AGAP1: variants seen among roughly 807,000 people sequenced by gnomAD.
The protein encoded by AGAP1 is arf-GAP with GTPase, ANK repeat and PH domain-containing protein 1.
A neutral mutation model predicts 105.3 loss-of-function variants in AGAP1; 29 were observed. The observed-to-expected ratio is 0.28, with a 90% CI of 0.21 to 0.38. The LOEUF (loss-of-function observed/expected upper bound fraction) is 0.38, where lower values mean the gene tolerates loss of function less well. Among genes scored for constraint, AGAP1 ranks in the 10% least tolerant of loss-of-function variants. The pLI, the probability that AGAP1 is intolerant of heterozygous loss-of-function variation, is 1.00. For missense variants in AGAP1, 998 were observed against 1,165.1 expected (o/e 0.86, Z 2.09); for synonymous variants, 509 against 485.9 (o/e 1.05, Z -0.63).
chr2:235,707,000 C>G (rs899667775), intron 1 of AGAP1, among the ~76,000 whole-genome samples: 4 of 152,242 alleles, frequency 2.6e-5, no homozygotes, highest in Non-Finnish European at 5.9e-5. Context: ...GTCAGGCCCA[C>G]GCTAGTGCGT....
At position 235,655,070 on chromosome 2, in the gene AGAP1, TC is replaced by T. The variant is rs1489756193; in HGVS notation, c.164-54108del. Among the ~76,000 whole-genome samples, 2 of 145,422 alleles carry T rather than the reference TC, an allele frequency of 1.4e-5. No homozygotes were observed. Among genetic ancestry groups the T allele is most frequent in the Non-Finnish European group, 3.0e-5 (2 of 65,932 alleles). ...TTAATTACTATATCCAGAATGATCC[TC>T]TTTTTTTTTTTTTTGAGTTGTGTGT... On this transcript the variant is annotated intron_variant, in intron 1 of 17. Coordinates refer to ENST00000304032, the MANE Select transcript of AGAP1 (RefSeq NM_001037131.3). This position sits in a 1 kb window ranked among gnomAD's most constrained non-coding sequence, Gnocchi z 4.3.
chr2:235,807,213 A>T, intron 8 of AGAP1, 26 bp from the exon 9 acceptor site: 1 of 1,607,290 alleles, frequency 6.2e-7, no homozygotes, highest in Non-Finnish European at 8.5e-7. Flanking sequence ...CCTTACCCAG[A>T]TGCCAACTTT....
intron 1 of AGAP1, among the ~76,000 whole-genome samples, chr2:235,687,289 A>C (rs545553876): frequency 6.6e-6 from 1 of 152,270 alleles, no homozygotes; most frequent in African/African-American, 2.4e-5. Context: ...TTTGAAGTCT[A>C]AAGTAGATAT....
intron 16 of AGAP1, among the ~76,000 whole-genome samples, chr2:236,094,866 C>G (rs1262671425): frequency 1.5e-5 from 2 of 136,108 alleles, no homozygotes; most frequent in Non-Finnish European, 3.0e-5. Context: ...AGGTGGATCA[C>G]TTGAGTCCAG....
intron 1 of AGAP1, among the ~76,000 whole-genome samples, chr2:235,510,227 C>T (rs1942015266): frequency 6.6e-6 from 1 of 152,192 alleles, no homozygotes; most frequent in African/African-American, 2.4e-5. Flanking sequence ...ATCCCCCTGC[C>T]TCCCTTCAGT....
intron 3 of AGAP1, among the ~76,000 whole-genome samples, chr2:235,738,295 CCAAGCAGGGTTCTAAGAGCTTTT>C (rs1016221230): frequency 8.5e-5 from 13 of 152,058 alleles, no homozygotes; most frequent in African/African-American, 2.7e-4. Context: ...CTCCTCTGTC[CCAAGCAGGGTTCTAAGAGCTTTT>C]CATGCATTAA....
At position 235,705,089 on chromosome 2, in the gene AGAP1, C is replaced by T. The variant is rs1467741795; in HGVS notation, c.164-4090C>T. ...TACCTCCCGGGTTCAAGCACTTCTC[C>T]TGCCTCAGCCTCCCGAGCAGCTGGG... On this transcript the variant is annotated intron_variant, in intron 1 of 17. Transcript: ENST00000304032. The surrounding 1 kb of genome is among the most constrained non-coding windows in gnomAD (Gnocchi z 4.9). Among the ~76,000 whole-genome samples the T allele has an allele frequency of 1.3e-5, 2 of 149,200 alleles. No individual in the cohort carries two copies. Among genetic ancestry groups the T allele is most frequent in the Admixed American group, 1.4e-4 (2 of 14,748 alleles).
At chr2:235,745,835 A>G (rs1444108190) in intron 5 of AGAP1, among the ~76,000 whole-genome samples, 1 of 152,232 alleles carries the variant, frequency 6.6e-6, no homozygotes, top group Non-Finnish European at 1.5e-5. Context: ...CATAAACCAC[A>G]AACATTTTCC....
intron 13 of AGAP1, among the ~76,000 whole-genome samples, chr2:236,024,807 T>C (rs908631035): frequency 1.3e-5 from 2 of 152,264 alleles, no homozygotes; most frequent in African/African-American, 4.8e-5. Context: ...TCCGGTGTTA[T>C]TAATGTCGTT....
At chr2:235,706,461 C>T (rs1242045791) in intron 1 of AGAP1, among the ~76,000 whole-genome samples, 5 of 152,172 alleles carry the variant, frequency 3.3e-5, no homozygotes, top group Non-Finnish European at 7.4e-5. Context: ...ATCTCCTGAC[C>T]TCGTGATCCG....
rs1467571368 is a variant in AGAP1 at position 235,724,783 on chromosome 2, C to T, written c.310+7139C>T. On this transcript the variant is annotated intron_variant, in intron 3 of 17. Coordinates refer to ENST00000304032, the MANE Select transcript of AGAP1 (RefSeq NM_001037131.3). This position sits in a 1 kb window ranked among gnomAD's most constrained non-coding sequence, Gnocchi z 4.9. ...CGACAGTTCCCTAACTCAGGAAAGT[C>T]GAGTTTCTGAGCATAAGTCATAGGA... 6.8e-6 allele frequency among the ~76,000 whole-genome samples: 1 copy of T among 147,714 alleles called. No individual in the cohort carries two copies. The highest frequency in any genetic ancestry group is 1.9e-4 in the East Asian group (1 of 5,190).
At chr2:236,021,145 G>A (rs1352649461) in intron 13 of AGAP1, among the ~76,000 whole-genome samples, 2 of 140,430 alleles carry the variant, frequency 1.4e-5, no homozygotes, top group African/African-American at 2.7e-5. Flanking sequence ...CAACCTGGGC[G>A]ACAGAGCAAG....
rs1285720085 is a variant in AGAP1, at chr2:235,631,377, G to A, written c.164-77802G>A. 6.6e-6 allele frequency among the ~76,000 whole-genome samples: 1 copy of A among 152,188 alleles called. No homozygotes were observed. ...CCAACCATGACCGGCCAGGCTGTGC[G>A]AGCTAGCCAAGGAGAGGCCACGAGG... On this transcript the variant is annotated intron_variant, in intron 1 of 17. Coordinates refer to ENST00000304032, the MANE Select transcript of AGAP1 (RefSeq NM_001037131.3). The surrounding 1 kb of genome is among the most constrained non-coding windows in gnomAD (Gnocchi z 5.4).
chr2:235,688,441 C>T (rs1480467556), intron 1 of AGAP1, among the ~76,000 whole-genome samples: 1 of 152,176 alleles, frequency 6.6e-6, no homozygotes, highest in Admixed American at 6.5e-5. Flanking sequence ...TCACTCACCT[C>T]TCACATTTCC....
chr2:235,562,781 G>A (rs991051866), intron 1 of AGAP1, among the ~76,000 whole-genome samples: 6 of 152,200 alleles, frequency 3.9e-5, no homozygotes, highest in African/African-American at 1.2e-4. Flanking sequence ...ATGCTGGCTG[G>A]TGTCGCGGCT....
chr2:235,943,227 C>T (rs551405974), intron 12 of AGAP1, among the ~76,000 whole-genome samples: 3 of 152,158 alleles, frequency 2.0e-5, no homozygotes, highest in Admixed American at 6.5e-5. Context: ...GGTTAAGAAC[C>T]GTCAATCATA....
In AGAP1 at chr2:235,883,493, A is replaced by G. The variant is rs765292531; in HGVS notation, c.1155+44A>G. ...GAGCAATTAACAGCTGCAGACCTCA[A>G]CTAAACACTGTGGGGAAGGGGAACC... On this transcript the variant is annotated intron_variant, in intron 10 of 17. Transcript: ENST00000304032. The surrounding 1 kb of genome is among the most constrained non-coding windows in gnomAD (Gnocchi z 4.5). The G allele has an allele frequency of 6.6e-7, 1 of 1,513,238 alleles. No homozygotes were observed. The highest frequency in any genetic ancestry group is 1.4e-5 in the African/African-American group (1 of 72,664). 93.7% of individuals were successfully genotyped at this position (1,513,238 alleles called of 1,614,324 possible).
At position 235,879,487 on chromosome 2, in the gene AGAP1, A is replaced by G. The variant is rs2106606989; in HGVS notation, c.1051-3858A>G. Among the ~76,000 whole-genome samples, 1 of 152,352 alleles carries G rather than the reference A, an allele frequency of 6.6e-6. No individual in the cohort carries two copies. Among genetic ancestry groups the G allele is most frequent in the Non-Finnish European group, 1.5e-5 (1 of 68,032 alleles). On this transcript the variant is annotated intron_variant, in intron 9 of 17. Coordinates refer to ENST00000304032, the MANE Select transcript of AGAP1 (RefSeq NM_001037131.3). This position sits in a 1 kb window ranked among gnomAD's most constrained non-coding sequence, Gnocchi z 5.0. Reference sequence around the variant, plus strand: ...GCATTTGAATAGTGCCTATAATCCAAGATTATCCCCCCTGGCAAGACGTAG... The same window carrying G: ...GCATTTGAATAGTGCCTATAATCCAGGATTATCCCCCCTGGCAAGACGTAG...
intron 16 of AGAP1, among the ~76,000 whole-genome samples, chr2:236,081,400 G>A (rs1243163888): frequency 2.6e-5 from 4 of 152,166 alleles, no homozygotes; most frequent in Non-Finnish European, 5.9e-5. Flanking sequence ...TCTGAACCGC[G>A]CTGCATTTGG....
Sources: allele counts gnomAD v4.1 joint callset (sites outside exome capture counted in the v4.1 genomes callset), GRCh38; gene constraint gnomAD v4.1.1; non-coding constraint Gnocchi (gnomAD v3.1); transcripts MANE v1.5; gene names NCBI Gene and HGNC (gene_info 2026-07-23, HGNC 2026-07-21).